Variants in PLEC observed in about 807,000 individuals in gnomAD.
PLEC encodes plectin.
Under a neutral mutation model 392.8 loss-of-function variants are expected in PLEC, and 216 were observed. That is an observed-to-expected ratio of 0.55 (90% CI 0.49 to 0.62). PLEC has a LOEUF of 0.62. Ranked by LOEUF, PLEC falls within the 20% of genes least tolerant of loss-of-function variation. PLEC has a pLI of 0.00. For synonymous variants in PLEC, 3,621 were observed against 2,980.6 expected, an observed-to-expected ratio of 1.21 and a Z score of -7.00; for missense variants, 6,863 against 6,563.4, an observed-to-expected ratio of 1.05 and a Z score of -1.58.
Position 143,920,717 on chromosome 8 carries a change from C to T in PLEC, c.9104G>A (p.Gly3035Glu), listed in dbSNP as rs781785202. The T allele has an allele frequency of 1.2e-5, 19 of 1,603,066 alleles. No individual in the cohort carries two copies. The East Asian group carries it at 1.8e-4, about 15-fold the overall frequency. Residue 3035 changes from glycine (G) to glutamate (E), a missense_variant, in exon 32 of 32, where the codon GGG becomes GAG. Physicochemically the swap from Gly to Glu is moderately conservative, Grantham distance 98. Coordinates refer to ENST00000345136, the MANE Select transcript of PLEC (RefSeq NM_201384.3). Reference protein sequence around the residue: ...VIAGVWLEEAGQKLSIYNALK... With the variant: ...VIAGVWLEEAEQKLSIYNALK... ...GGCATTGTAGATACTCAGCTTCTGC[C>T]CCGCCTCCTCCAGCCATACACCCGC...
At chr8:143,961,877 G>A (rs1832887789) in intron 1 of PLEC, among the ~76,000 whole-genome samples, 2 of 151,924 alleles carry the variant, frequency 1.3e-5, no homozygotes, top group African/African-American at 4.8e-5. Context: ...TGTAGCCCAG[G>A]TTCACTGCAG....
upstream of PLEC, among the ~76,000 whole-genome samples, chr8:143,954,562 G>A (rs1482280696): frequency 6.6e-6 from 1 of 152,036 alleles, no homozygotes; most frequent in Admixed American, 6.6e-5. The surrounding 1 kb of genome is among the most constrained non-coding windows in gnomAD (Gnocchi z 4.6). Context: ...CACCCCCCAC[G>A]ACCACCAGGG....
Position 143,924,200 on chromosome 8 carries a change from T to C in PLEC, c.5729A>G (p.Lys1910Arg). ...CCTCAGCGTGTCCTCCACCAGCCCC[T>C]TCTGCCGCTCCAGCTCGCTGTCCGA... ...KASDSELERQ[K>R]GLVEDTLRQR... The change falls in exon 31 of 32, where the codon AAG becomes AGG. Residue 1910 changes from lysine to arginine, a missense_variant. Lys to Arg is a conservative substitution (Grantham distance 26, BLOSUM62 2). Transcript: ENST00000345136. The C allele has an allele frequency of 6.3e-7, 1 of 1,598,818 alleles. No individual in the cohort carries two copies. Among genetic ancestry groups the C allele is most frequent in the Non-Finnish European group, 8.5e-7 (1 of 1,179,486 alleles).
intron 1 of PLEC, among the ~76,000 whole-genome samples, chr8:143,959,298 C>T (rs1832753963): frequency 6.6e-6 from 1 of 152,212 alleles, no homozygotes; most frequent in African/African-American, 2.4e-5. Context: ...AGTTAAAAGA[C>T]CCGAGAGATT....
chr8:143,951,007 C>T (rs981545338), upstream of PLEC: 12 of 511,620 alleles, frequency 2.3e-5, no homozygotes, highest in African/African-American at 2.1e-4. Context: ...CACCCACAGC[C>T]GACGGGGCCC....
In PLEC at chr8:143,937,179, G is replaced by C; in HGVS notation, c.328C>G (p.Leu110Val). ...GGCAGCCTTACCTGGCGGTGCCGGA[G>C]GTAGTCCAGGGCAATCTGGACATTC... ...LQNVQIALDY[L>V]RHRQVKLVNI... Residue 110 changes from leucine to valine, a missense_variant, in exon 4 of 32, where the codon CTC becomes GTC. Transcript: ENST00000345136. The C allele has an allele frequency of 6.2e-7, 1 of 1,612,592 alleles. No homozygotes were observed. Among genetic ancestry groups the C allele is most frequent in the Non-Finnish European group, 8.5e-7 (1 of 1,179,662 alleles).
upstream of PLEC, among the ~76,000 whole-genome samples, chr8:143,974,448 G>C (rs575146615): frequency 6.6e-6 from 1 of 152,324 alleles, no homozygotes; most frequent in African/African-American, 2.4e-5. The surrounding 1 kb of genome is among the most constrained non-coding windows in gnomAD (Gnocchi z 5.9). Flanking sequence ...CCAGACCCTG[G>C]GGCTGGAGCT....
At chr8:143,955,201 G>A (rs112221830), upstream of PLEC, among the ~76,000 whole-genome samples, 258 of 152,312 alleles carry the variant, frequency 1.7e-3, 4 homozygotes, top group African/African-American at 5.7e-3. Context: ...TTCAGGCCGG[G>A]CACGGGGACT....
chr8:143,929,785 G>A lies in PLEC; in HGVS notation c.2784C>T (p.Ser928=). The change falls in exon 23 of 32, where the codon AGC becomes AGT. Residue 928 remains serine (S), a synonymous_variant. Transcript: ENST00000345136. The part of the protein sequence containing the change: ...KPEEQRQALH[S]LELHYQAFLR... ...GGAAGGCCTGGTAGTGCAGCTCCAGGCTGTGCAGGGCTTGGCGCTGCTCCT... is the reference window on the plus strand; with the variant it reads ...GGAAGGCCTGGTAGTGCAGCTCCAGACTGTGCAGGGCTTGGCGCTGCTCCT... 1 of 1,599,678 alleles carries A rather than the reference G, an allele frequency of 6.3e-7. No homozygotes were observed. Among genetic ancestry groups the A allele is most frequent in the Non-Finnish European group, 8.5e-7 (1 of 1,178,612 alleles).
At chr8:143,939,821 G>A (rs1176037260), upstream of PLEC, among the ~76,000 whole-genome samples, 1 of 152,204 alleles carries the variant, frequency 6.6e-6, no homozygotes, top group Admixed American at 6.5e-5. Flanking sequence ...TGGGGACACG[G>A]GGAGCTGGCA....
Position 143,924,580 on chromosome 8 carries a change from C to G in PLEC, c.5349G>C (p.Glu1783Asp). ...RAEEESRSTS[E>D]KSKQRLEAEA... ...CGGCCTCCAGCCTCTGCTTGGACTT[C>G]TCGCTGGTGGAGCGCGACTCCTCCT... The change falls in exon 31 of 32, where the codon GAG becomes GAC. Residue 1783 changes from glutamate (E) to aspartate (D), a missense_variant. Physicochemically the swap from Glu to Asp is conservative, Grantham distance 45 (BLOSUM62 2). Transcript: ENST00000345136. 6.4e-7 allele frequency: 1 copy of G among 1,552,516 alleles called. No individual in the cohort carries two copies. The highest frequency in any genetic ancestry group is 8.6e-7 in the Non-Finnish European group (1 of 1,156,370).
chr8:143,918,911 A>C lies in PLEC; in HGVS notation c.10910T>G (p.Leu3637Arg). 6.2e-7 allele frequency: 1 copy of C among 1,611,458 alleles called. No homozygotes were observed. ...GCGGCGCACGTAGTCGTAGGAGGCCAGACCCTGCTGGCGGATGATCTCTGT... is the reference window on the plus strand; with the variant it reads ...GCGGCGCACGTAGTCGTAGGAGGCCCGACCCTGCTGGCGGATGATCTCTGT... Reference protein sequence around the residue: ...EKTEIIRQQGLASYDYVRRRL... With the variant: ...EKTEIIRQQGRASYDYVRRRL... The change falls in exon 32 of 32, where the codon CTG becomes CGG. Residue 3637 changes from leucine to arginine, a missense_variant. By Grantham distance (102) the Leu-to-Arg change is moderately radical. Coordinates refer to ENST00000345136, the MANE Select transcript of PLEC (RefSeq NM_201384.3).
chr8:143,932,762 C>T (rs1554718062), intron 14 of PLEC, 31 bp downstream of exon 14: 2 of 1,610,144 alleles, frequency 1.2e-6, no homozygotes, highest in African/African-American at 1.3e-5. Context: ...CCGGCCCACC[C>T]CCGCACTGCC....
At chr8:143,935,730 T>C in intron 6 of PLEC, 118 bp downstream of exon 6, 1 of 1,138,946 alleles carries the variant, frequency 8.8e-7, no homozygotes, top group Non-Finnish European at 1.3e-6. Context: ...GGCGGCCAGC[T>C]GGCACTCATC....
rs1825340874 is a variant in PLEC at position 143,926,790 on chromosome 8, C to T, written c.4038G>A (p.Glu1346=). 2 of 1,613,268 alleles carry T rather than the reference C, an allele frequency of 1.2e-6. No individual in the cohort carries two copies. Among genetic ancestry groups the T allele is most frequent in the Non-Finnish European group, 1.7e-6 (2 of 1,179,486 alleles). Residue 1346 remains glutamate, a synonymous_variant, in exon 30 of 32, where the codon GAG becomes GAA. Coordinates refer to ENST00000345136, the MANE Select transcript of PLEC (RefSeq NM_201384.3). The part of the protein sequence containing the change: ...FISETLRRME[E]EERLAEQQRA... ...TCCGCCCAACGGGCTGTACCTCCTCCTCCTCCATGCGCCGCAGAGTCTCGC... is the reference window on the plus strand; with the variant it reads ...TCCGCCCAACGGGCTGTACCTCCTCTTCCTCCATGCGCCGCAGAGTCTCGC...
At chr8:143,927,816 C>A (rs1554708713) in intron 26 of PLEC, 38 bp downstream of exon 26, 12 of 1,574,222 alleles carry the variant, frequency 7.6e-6, no homozygotes, top group Non-Finnish European at 1.0e-5. Flanking sequence ...CCCGCTGTAC[C>A]CCCACCCCGC....
At chr8:143,939,678 C>T (rs880003373), upstream of PLEC, 40 of 1,386,966 alleles carry the variant, frequency 2.9e-5, no homozygotes, top group East Asian at 6.6e-4. Flanking sequence ...CCCAGGCCGC[C>T]GCCAGGGAGG....
At position 143,923,322 on chromosome 8, in the gene PLEC, T is replaced by A; in HGVS notation, c.6607A>T (p.Asn2203Tyr). ...CGCTGCAGCTCCTCGTCCAGCAGGT[T>A]CTTCTGGTGGTCGGTCTCCTCCAGC... ...LQLEETDHQK[N>Y]LLDEELQRLK... is the part of the protein sequence containing the mutation. Residue 2203 changes from asparagine (N) to tyrosine (Y), a missense_variant, in exon 31 of 32, where the codon AAC (asparagine) becomes TAC (tyrosine). Transcript: ENST00000345136. 1 of 1,610,052 alleles carries A rather than the reference T, an allele frequency of 6.2e-7. No homozygotes were observed. The highest frequency in any genetic ancestry group is 8.5e-7 in the Non-Finnish European group (1 of 1,179,594).
intron 1 of PLEC, 114 bp from the exon 2 acceptor site, chr8:143,938,806 A>G (rs1587227697): frequency 2.2e-6 from 2 of 895,120 alleles, no homozygotes; most frequent in South Asian, 2.6e-5. Context: ...GGGGAGCCCC[A>G]AAGCCTCCCT....
Sources: allele counts gnomAD v4.1 joint callset (sites outside exome capture counted in the v4.1 genomes callset), GRCh38; gene constraint gnomAD v4.1.1; non-coding constraint Gnocchi (gnomAD v3.1); transcripts MANE v1.5; gene names NCBI Gene and HGNC (gene_info 2026-07-23, HGNC 2026-07-21).